Variants in ZDHHC3 observed in about 807,000 individuals in gnomAD.
ZDHHC3 encodes zDHHC palmitoyltransferase 3.
Under a neutral mutation model 30.6 loss-of-function variants are expected in ZDHHC3, and 9 were observed. That is an observed-to-expected ratio of 0.29 (90% CI 0.18 to 0.51). The LOEUF (loss-of-function observed/expected upper bound fraction) is 0.51, where lower values mean the gene tolerates loss of function less well. Ranked by LOEUF, ZDHHC3 falls within the 20% of genes least tolerant of loss-of-function variation. ZDHHC3 has a pLI of 0.97. For synonymous variants in ZDHHC3, 136 were observed against 140.2 expected, an observed-to-expected ratio of 0.97 and a Z score of 0.21; for missense variants, 246 against 384.2, an observed-to-expected ratio of 0.64 and a Z score of 3.01.
At chr3:44,928,388 T>A (rs1701190788) in intron 6 of ZDHHC3, among the ~76,000 whole-genome samples, 1 of 152,118 alleles carries the variant, frequency 6.6e-6, no homozygotes, top group African/African-American at 2.4e-5. Context: ...TGTCATCCTA[T>A]GAGCCCGCTT....
At chr3:44,963,237 T>C (rs1704632998) in intron 1 of ZDHHC3, among the ~76,000 whole-genome samples, 1 of 152,186 alleles carries the variant, frequency 6.6e-6, no homozygotes, top group African/African-American at 2.4e-5. Context: ...AGCTCTGTTT[T>C]CCCATGACCC....
chr3:44,918,330 C>G lies in ZDHHC3; in HGVS notation c.*8359G>C. On this transcript the variant is annotated 3_prime_UTR_variant, in exon 7 of 7. Coordinates refer to ENST00000424952, the MANE Select transcript of ZDHHC3 (RefSeq NM_001135179.2). The stretch of plus-strand genomic sequence containing the variant: ...CACCCCCGGGAGGTCCCTCAGAGGA[C>G]TGCTGGGGTGTGGGTGGACAGCAGC... 1.0e-6 allele frequency: 1 copy of G among 985,340 alleles called. No individual in the cohort carries two copies. Among genetic ancestry groups the G allele is most frequent in the Non-Finnish European group, 1.2e-6 (1 of 829,906 alleles). The allele number at this position is 985,340 out of a possible 1,614,324, so 61.0% of individuals were successfully genotyped here.
rs1416137952 is a variant in ZDHHC3, at chr3:44,924,633, C to A, written c.*2056G>T. The A allele has an allele frequency of 1.0e-6, 1 of 985,350 alleles. No individual in the cohort carries two copies. Among genetic ancestry groups the A allele is most frequent in the Admixed American group, 6.1e-5 (1 of 16,268 alleles). The allele number at this position is 985,350 out of a possible 1,614,324, so 61.0% of individuals were successfully genotyped here. A position where few individuals can be genotyped will look rare whatever the true frequency, so the allele number is the denominator to read the frequency against. On this transcript the variant is annotated 3_prime_UTR_variant, in exon 7 of 7. Transcript: ENST00000424952. ...AGAAATGCCAGGGGAAAAGAGCTAA[C>A]CTGGCTCACTTTAAAAAATGCCCTG...
intron 3 of ZDHHC3, among the ~76,000 whole-genome samples, chr3:44,940,250 G>A (rs577828043): frequency 2.6e-5 from 4 of 152,304 alleles, no homozygotes; most frequent in African/African-American, 9.6e-5. Context: ...CACATGGGCA[G>A]GGGGCTCAGC....
intron 3 of ZDHHC3, among the ~76,000 whole-genome samples, chr3:44,939,988 G>A (rs1702303819): frequency 6.6e-6 from 1 of 152,182 alleles, no homozygotes; most frequent in Non-Finnish European, 1.5e-5. Flanking sequence ...GTGGCTGGAG[G>A]CACTGCTCAG....
At chr3:44,975,747 GTC>G (rs144383795) in intron 1 of ZDHHC3, among the ~76,000 whole-genome samples, 184 bp downstream of exon 1, 16,255 of 133,918 alleles carry the variant, frequency 0.12, 1,053 homozygotes, top group East Asian at 0.17. Context: ...CTTAGTCGGG[GTC>G]TCTCTCTCTC....
At chr3:44,947,228 T>G (rs780537930) in intron 2 of ZDHHC3, among the ~76,000 whole-genome samples, 2 of 152,082 alleles carry the variant, frequency 1.3e-5, no homozygotes, top group Non-Finnish European at 2.9e-5. Flanking sequence ...AGAAGGAAGT[T>G]CTGAGAAGAG....
intron 3 of ZDHHC3, among the ~76,000 whole-genome samples, chr3:44,940,472 T>C (rs1022458458): frequency 3.3e-5 from 5 of 152,194 alleles, no homozygotes; most frequent in African/African-American, 1.2e-4. Flanking sequence ...CACAGTCCTC[T>C]CCTGGCATTC....
At chr3:44,947,100 G>A (rs1422339462) in intron 2 of ZDHHC3, among the ~76,000 whole-genome samples, 1 of 152,196 alleles carries the variant, frequency 6.6e-6, no homozygotes, top group Non-Finnish European at 1.5e-5. Flanking sequence ...ATGATGGTAG[G>A]GAACCAACTT....
chr3:44,931,079 G>A (rs529134629), intron 5 of ZDHHC3, among the ~76,000 whole-genome samples: 5 of 152,304 alleles, frequency 3.3e-5, no homozygotes, highest in African/African-American at 7.2e-5. Flanking sequence ...CTCCAGGAGC[G>A]GGGAGACTTT....
At position 44,959,254 on chromosome 3, in the gene ZDHHC3, C is replaced by T; in HGVS notation, c.183G>A (p.Val61=). ...TWFLVLYAEF[V]VLFVMLIPSR... is the part of the protein sequence containing the mutation. ...ATGGAATCAGCATGACAAAGAGGAC[C>T]ACGAACTCCGCATAGAGGACCAGAA... is the stretch of plus-strand genomic sequence containing the variant. Residue 61 remains valine (V), a synonymous_variant, in exon 2 of 7, where the codon GTG becomes GTA. Transcript: ENST00000424952. This position sits in a 1 kb window ranked among gnomAD's most constrained non-coding sequence, Gnocchi z 4.3. 6.2e-7 allele frequency: 1 copy of T among 1,614,200 alleles called. No individual in the cohort carries two copies. The highest frequency in any genetic ancestry group is 1.3e-5 in the African/African-American group (1 of 75,038).
rs1700690026 is a variant in ZDHHC3, at chr3:44,922,735, T to C, written c.*3954A>G. On this transcript the variant is annotated 3_prime_UTR_variant, in exon 7 of 7. Coordinates refer to ENST00000424952, the MANE Select transcript of ZDHHC3 (RefSeq NM_001135179.2). ...TAAGACACGGGCTGCTGGGCCCCGCTCGGTTTCTGGTTCGGTAGCCTGGGG... is the reference window on the plus strand; with the variant it reads ...TAAGACACGGGCTGCTGGGCCCCGCCCGGTTTCTGGTTCGGTAGCCTGGGG... 5 of 984,872 alleles carry C rather than the reference T, an allele frequency of 5.1e-6. No individual in the cohort carries two copies. Among genetic ancestry groups the C allele is most frequent in the Non-Finnish European group, 3.6e-6 (3 of 829,458 alleles). 61.0% of individuals were successfully genotyped at this position (984,872 alleles called of 1,614,324 possible). A position where few individuals can be genotyped will look rare whatever the true frequency, so the allele number is the denominator to read the frequency against.
intron 2 of ZDHHC3, among the ~76,000 whole-genome samples, chr3:44,955,865 C>A (rs562765488): frequency 1.3e-5 from 2 of 152,258 alleles, no homozygotes; most frequent in Admixed American, 6.5e-5. Flanking sequence ...GCATGAAGAC[C>A]CTAAAATAGG....
intron 1 of ZDHHC3, among the ~76,000 whole-genome samples, chr3:44,967,711 G>C (rs1435015684): frequency 1.3e-5 from 2 of 152,180 alleles, no homozygotes; most frequent in Non-Finnish European, 2.9e-5. Context: ...CAAGCCACTT[G>C]TAAGAGTAAC....
At chr3:44,939,381 C>G (rs747837365) in intron 3 of ZDHHC3, among the ~76,000 whole-genome samples, 19 of 152,246 alleles carry the variant, frequency 1.2e-4, no homozygotes, top group Non-Finnish European at 7.3e-5. Flanking sequence ...GATAAGCAGA[C>G]AGTGCAGAGT....
At position 44,921,823 on chromosome 3, in the gene ZDHHC3, A is replaced by C; in HGVS notation, c.*4866T>G. On this transcript the variant is annotated 3_prime_UTR_variant, in exon 7 of 7. Transcript: ENST00000424952. ...AACCAAAGACTGAAGCCAGGACCCAAATACTTGGTCACCAGACTATATGGC... is the reference window on the plus strand; with the variant it reads ...AACCAAAGACTGAAGCCAGGACCCACATACTTGGTCACCAGACTATATGGC... The C allele has an allele frequency of 1.0e-6, 1 of 985,390 alleles. No homozygotes were observed. The highest frequency in any genetic ancestry group is 1.2e-6 in the Non-Finnish European group (1 of 829,914). 61.0% of individuals were successfully genotyped at this position (985,390 alleles called of 1,614,324 possible). A position where few individuals can be genotyped will look rare whatever the true frequency, so the allele number is the denominator to read the frequency against.
intron 1 of ZDHHC3, among the ~76,000 whole-genome samples, chr3:44,965,576 G>T (rs938827290): frequency 1.3e-5 from 2 of 152,152 alleles, no homozygotes; most frequent in African/African-American, 4.8e-5. Context: ...ATCATTTGTT[G>T]AGTGAGGGGC....
Position 44,926,707 on chromosome 3 carries a change from C to T in ZDHHC3, c.882G>A (p.Pro294=), listed in dbSNP as rs377350770. 2.2e-5 allele frequency: 36 copies of T among 1,610,032 alleles called. No homozygotes were observed. Among genetic ancestry groups the T allele is most frequent in the Middle Eastern group, 1.7e-4 (1 of 6,008 alleles). The change falls in exon 7 of 7, where the codon CCG becomes CCA. Residue 294 remains proline, a synonymous_variant. Transcript: ENST00000424952. ...FATPDQGKAD[P]YQYVV Reference sequence around the variant, plus strand: ...GGGTCCTTCAGACCACATACTGGTACGGGTCTGCCTTCCCTTGGTCTGGCG... The same window carrying T: ...GGGTCCTTCAGACCACATACTGGTATGGGTCTGCCTTCCCTTGGTCTGGCG...
At chr3:44,939,385 G>A (rs1289145271) in intron 3 of ZDHHC3, among the ~76,000 whole-genome samples, 1 of 152,228 alleles carries the variant, frequency 6.6e-6, no homozygotes, top group African/African-American at 2.4e-5. Context: ...AGCAGACAGT[G>A]CAGAGTGAGT....
Sources: allele counts gnomAD v4.1 joint callset (sites outside exome capture counted in the v4.1 genomes callset), GRCh38; gene constraint gnomAD v4.1.1; non-coding constraint Gnocchi (gnomAD v3.1); transcripts MANE v1.5; gene names NCBI Gene and HGNC (gene_info 2026-07-23, HGNC 2026-07-21).